Variants in PCSK2 observed in about 807,000 individuals in gnomAD.
PCSK2 encodes neuroendocrine convertase 2.
In PCSK2, 14 loss-of-function variants were observed where a neutral mutation model predicts 69.7. The ratio of observed to expected loss-of-function variants is 0.20; its 90% CI spans 0.13 to 0.31. The LOEUF is 0.31. Ranked by LOEUF, PCSK2 falls within the 10% of genes least tolerant of loss-of-function variation. The pLI, the probability that PCSK2 is intolerant of heterozygous loss-of-function variation, is 1.00. For synonymous variants in PCSK2, 307 were observed against 320.7 expected (o/e 0.96, Z 0.46); for missense variants, 544 against 842.5 (o/e 0.65, Z 4.39).
intron 6 of PCSK2, among the ~76,000 whole-genome samples, chr20:17,415,162 C>T (rs1450112260): frequency 6.6e-6 from 1 of 152,178 alleles, no homozygotes; most frequent in Non-Finnish European, 1.5e-5. Flanking sequence ...TCCTATTCAA[C>T]ATAGTGTTGG....
chr20:17,467,591 C>A (rs533147042), intron 11 of PCSK2, among the ~76,000 whole-genome samples: 1 of 152,034 alleles, frequency 6.6e-6, no homozygotes, highest in Admixed American at 6.6e-5. Context: ...CATTCATAAT[C>A]GAAAGAGAAG....
intron 2 of PCSK2, among the ~76,000 whole-genome samples, chr20:17,275,145 T>C (rs1325101374): frequency 6.7e-6 from 1 of 150,288 alleles, no homozygotes; most frequent in Non-Finnish European, 1.5e-5. Context: ...ATGGTTTTCT[T>C]ATAAAAGAGT....
At chr20:17,335,660 CT>C (rs1486151340) in intron 2 of PCSK2, among the ~76,000 whole-genome samples, 1 of 151,904 alleles carries the variant, frequency 6.6e-6, no homozygotes, top group African/African-American at 2.4e-5. Flanking sequence ...ATCCTTCCCC[CT>C]AAGTCCCCCA....
intron 5 of PCSK2, among the ~76,000 whole-genome samples, chr20:17,378,571 TG>T (rs2123247462): frequency 6.6e-6 from 1 of 151,632 alleles, no homozygotes; most frequent in Admixed American, 6.6e-5. Flanking sequence ...AATAAAAGAC[TG>T]AATTATGGAT....
chr20:17,297,489 C>G (rs73251704), intron 2 of PCSK2, among the ~76,000 whole-genome samples: 3 of 152,202 alleles, frequency 2.0e-5, no homozygotes, highest in Admixed American at 6.5e-5. Context: ...TCAACACTAC[C>G]GTCTGAAGCA....
chr20:17,309,603 A>C (rs1989435931), intron 2 of PCSK2, among the ~76,000 whole-genome samples: 1 of 152,050 alleles, frequency 6.6e-6, no homozygotes. Flanking sequence ...AGATCACTTG[A>C]GGTTAGGAGT....
chr20:17,418,479 G>T (rs2032050520), intron 6 of PCSK2, among the ~76,000 whole-genome samples: 1 of 152,198 alleles, frequency 6.6e-6, no homozygotes, highest in Non-Finnish European at 1.5e-5. Flanking sequence ...GGAGGCTGGT[G>T]CAGGAGGCAG....
At chr20:17,355,950 G>C (rs1290547088) in intron 2 of PCSK2, among the ~76,000 whole-genome samples, 1 of 152,044 alleles carries the variant, frequency 6.6e-6, no homozygotes. Flanking sequence ...TCTTTACTTG[G>C]GGTCAGACTT....
intron 4 of PCSK2, among the ~76,000 whole-genome samples, chr20:17,367,114 A>G (rs1450026248): frequency 1.3e-5 from 2 of 151,616 alleles, no homozygotes; most frequent in East Asian, 3.8e-4. Context: ...TATAAATTAT[A>G]TTTTTGATCA....
Position 17,332,907 on chromosome 20 carries a change from G to A in PCSK2, c.283-25420G>A, listed in dbSNP as rs1479571395. Among the ~76,000 whole-genome samples, 7 of 152,098 alleles carry A rather than the reference G, an allele frequency of 4.6e-5. No individual in the cohort carries two copies. In the East Asian group the frequency reaches 1.4e-3, roughly 29 times the overall value. ...CCAAGAGAATCCTACCTTATTTTGGGCTTTGGCTGCTCTAAAAATGAAAAG... is the reference window on the plus strand; with the variant it reads ...CCAAGAGAATCCTACCTTATTTTGGACTTTGGCTGCTCTAAAAATGAAAAG... On this transcript the variant is annotated intron_variant, in intron 2 of 11. Transcript: ENST00000262545.
intron 2 of PCSK2, among the ~76,000 whole-genome samples, chr20:17,281,585 A>G (rs1988314750): frequency 6.6e-6 from 1 of 152,098 alleles, no homozygotes; most frequent in Admixed American, 6.6e-5. Flanking sequence ...GTTTCTCTTT[A>G]TTCTAATTAA....
At chr20:17,428,732 C>T (rs1568645376) in intron 6 of PCSK2, among the ~76,000 whole-genome samples, 2 of 152,196 alleles carry the variant, frequency 1.3e-5, no homozygotes, top group East Asian at 3.9e-4. Context: ...CACTCAGCAG[C>T]TCACAGCTGT....
At chr20:17,241,445 A>G (rs1210333563) in intron 1 of PCSK2, among the ~76,000 whole-genome samples, 1 of 152,184 alleles carries the variant, frequency 6.6e-6, no homozygotes, top group Non-Finnish European at 1.5e-5. Context: ...GTGTGGCAGG[A>G]TGGCCACATA....
intron 2 of PCSK2, among the ~76,000 whole-genome samples, chr20:17,285,527 A>G (rs1333689174): frequency 6.6e-6 from 1 of 152,216 alleles, no homozygotes; most frequent in Non-Finnish European, 1.5e-5. Context: ...AGTCTAGTGC[A>G]AAAGTTTAGT....
rs372311049 is a variant in PCSK2, at chr20:17,424,649, C to A, written c.621-4786C>A. The stretch of plus-strand genomic sequence containing the variant: ...CTGAGATTACAGGCACGCGCCACCA[C>A]GCCTGGCTAATTTTTGTATTTTTAG... On this transcript the variant is annotated intron_variant, in intron 6 of 11. Transcript: ENST00000262545. Among the ~76,000 whole-genome samples the A allele has an allele frequency of 3.7e-4, 56 of 152,102 alleles. No homozygotes were observed. The East Asian group carries it at 6.4e-3, about 17-fold the overall frequency.
chr20:17,401,305 C>T (rs2031630755), intron 5 of PCSK2, among the ~76,000 whole-genome samples: 1 of 152,260 alleles, frequency 6.6e-6, no homozygotes, highest in African/African-American at 2.4e-5. Context: ...ACCAGAATTC[C>T]AAGACCAAGG....
At chr20:17,250,051 T>C (rs1055656056) in intron 1 of PCSK2, among the ~76,000 whole-genome samples, 1 of 152,208 alleles carries the variant, frequency 6.6e-6, no homozygotes, top group African/African-American at 2.4e-5. Context: ...AGAGTTTCCA[T>C]ATACCCTTCT....
intron 5 of PCSK2, among the ~76,000 whole-genome samples, chr20:17,374,678 C>G (rs1021853551): frequency 6.6e-6 from 1 of 151,966 alleles, no homozygotes; most frequent in African/African-American, 2.4e-5. Flanking sequence ...AGCAAATTAC[C>G]CCCTAGGGCA....
At chr20:17,226,392 A>G (rs1426744554), upstream of PCSK2, 1 of 151,784 alleles carries the variant, frequency 6.6e-6, no homozygotes, top group Non-Finnish European at 1.5e-5. Context: ...GCTTTCCCCA[A>G]CCCTCCTGGT....
Sources: allele counts gnomAD v4.1 joint callset (sites outside exome capture counted in the v4.1 genomes callset), GRCh38; gene constraint gnomAD v4.1.1; transcripts MANE v1.5; gene names NCBI Gene and HGNC (gene_info 2026-07-23, HGNC 2026-07-21).